SNX9: variants seen among roughly 807,000 people sequenced by gnomAD.
SNX9 encodes sorting nexin-9.
A neutral mutation model predicts 89.4 loss-of-function variants in SNX9; 44 were observed. The observed-to-expected ratio is 0.49, with a 90% CI of 0.39 to 0.63. The LOEUF is 0.63. SNX9 is among the 30% of genes least tolerant of loss of function. SNX9 has a pLI of 0.00. For missense variants in SNX9, 578 were observed against 736.1 expected (o/e 0.79, Z 2.49); for synonymous variants, 236 against 247.8 (o/e 0.95, Z 0.45).
intron 1 of SNX9, among the ~76,000 whole-genome samples, chr6:157,864,796 G>T (rs143247316): frequency 4.6e-5 from 7 of 151,832 alleles, no homozygotes; most frequent in African/African-American, 1.7e-4. Context: ...TTGGGAGGCC[G>T]AGGCGGGCAG....
intron 3 of SNX9, among the ~76,000 whole-genome samples, chr6:157,873,648 TTATAA>T (rs1321432955): frequency 1.3e-5 from 2 of 149,128 alleles, no homozygotes; most frequent in African/African-American, 4.9e-5. Context: ...AGATATATAT[TTATAA>T]TATGACACAT....
chr6:157,899,612 A>T (rs1355254940), intron 5 of SNX9, among the ~76,000 whole-genome samples: 1 of 152,062 alleles, frequency 6.6e-6, no homozygotes, highest in Non-Finnish European at 1.5e-5. Context: ...CTCTACTAAA[A>T]ATAGAAAAAA....
At chr6:157,904,520 A>G (rs934849064) in intron 6 of SNX9, among the ~76,000 whole-genome samples, 25 of 152,108 alleles carry the variant, frequency 1.6e-4, no homozygotes, top group African/African-American at 6.0e-4. Context: ...AACAGTGCCC[A>G]AAAATTGAAA....
At chr6:157,911,818 T>C (rs1235051262) in intron 9 of SNX9, among the ~76,000 whole-genome samples, 2 of 152,236 alleles carry the variant, frequency 1.3e-5, no homozygotes, top group Non-Finnish European at 2.9e-5. Flanking sequence ...ATGGAAACTT[T>C]TGTTTTAAAA....
At chr6:157,881,131 C>T (rs1438461049) in intron 4 of SNX9, among the ~76,000 whole-genome samples, 4 of 152,118 alleles carry the variant, frequency 2.6e-5, no homozygotes, top group East Asian at 1.9e-4. Context: ...AGTCTATGGG[C>T]GCCATTTTGT....
rs1419089617 is a variant in SNX9, at chr6:157,855,141, T to A, written c.13-12406T>A. On this transcript the variant is annotated intron_variant, in intron 1 of 17. Transcript: ENST00000392185. ...ATGCATGTACTGCATCGCTGGGCCC[T>A]CTTTCTTACACAAGTGGTGTGCCTG... Among the ~76,000 whole-genome samples, 5 of 152,192 alleles carry A rather than the reference T, an allele frequency of 3.3e-5. No homozygotes were observed. In the South Asian group the frequency reaches 8.3e-4, roughly 25 times the overall value.
At chr6:157,918,292 T>C (rs1783515449) in intron 9 of SNX9, among the ~76,000 whole-genome samples, 1 of 152,194 alleles carries the variant, frequency 6.6e-6, no homozygotes, top group South Asian at 2.1e-4. Context: ...TCTTGTTAGG[T>C]AGACATACAG....
At chr6:157,904,688 G>C (rs964727631) in intron 6 of SNX9, among the ~76,000 whole-genome samples, 1 of 152,186 alleles carries the variant, frequency 6.6e-6, no homozygotes, top group Admixed American at 6.5e-5. Context: ...CCAGCCTGGC[G>C]ACAGAGTGAG....
chr6:157,873,323 A>G (rs1782453358), intron 3 of SNX9, 147 bp downstream of exon 3: 1 of 464,186 alleles, frequency 2.2e-6, no homozygotes, highest in Admixed American at 4.0e-5. Context: ...AAAATATGGA[A>G]ACTACATTGA....
intron 1 of SNX9, among the ~76,000 whole-genome samples, chr6:157,828,565 C>G (rs1182144652): frequency 6.6e-6 from 1 of 152,130 alleles, no homozygotes; most frequent in Non-Finnish European, 1.5e-5. Context: ...ACGAACACAG[C>G]TCACGGCAGT....
chr6:157,877,227 G>A (rs1375852617), intron 4 of SNX9, among the ~76,000 whole-genome samples: 1 of 148,000 alleles, frequency 6.8e-6, no homozygotes, highest in East Asian at 2.1e-4. Flanking sequence ...ACTGGTATAA[G>A]TCTAAAATTT....
chr6:157,873,065 T>A, intron 2 of SNX9, 37 bp from the exon 3 acceptor site: 2 of 1,504,960 alleles, frequency 1.3e-6, no homozygotes. Context: ...TCAACTGTAA[T>A]CTTTTTCTTT....
At chr6:157,869,202 T>G (rs952518277) in intron 2 of SNX9, among the ~76,000 whole-genome samples, 1 of 152,206 alleles carries the variant, frequency 6.6e-6, no homozygotes, top group African/African-American at 2.4e-5. Flanking sequence ...CCTCTCTGCC[T>G]CACGAGTGTT....
chr6:157,899,222 T>A (rs1783043121), intron 5 of SNX9, among the ~76,000 whole-genome samples: 1 of 152,196 alleles, frequency 6.6e-6, no homozygotes, highest in African/African-American at 2.4e-5. Flanking sequence ...CATCTTTTTC[T>A]CCCACACCCC....
At chr6:157,825,874 A>C (rs111811577) in intron 1 of SNX9, among the ~76,000 whole-genome samples, 1 of 152,098 alleles carries the variant, frequency 6.6e-6, no homozygotes, top group Non-Finnish European at 1.5e-5. Flanking sequence ...TGTCTTCTTC[A>C]AGGGGTGGGG....
chr6:157,883,153 A>T (rs1562604227), intron 4 of SNX9, among the ~76,000 whole-genome samples: 1 of 152,202 alleles, frequency 6.6e-6, no homozygotes, highest in African/African-American at 2.4e-5. Context: ...AAAAGGGTGC[A>T]GCTTGACTAG....
chr6:157,868,833 A>G (rs1782326645), intron 2 of SNX9, among the ~76,000 whole-genome samples: 1 of 152,230 alleles, frequency 6.6e-6, no homozygotes, highest in African/African-American at 2.4e-5. Flanking sequence ...GTAAAACTTG[A>G]ACCCATCGTT....
At chr6:157,907,404 C>T (rs1033447378) in intron 7 of SNX9, among the ~76,000 whole-genome samples, 1 of 152,146 alleles carries the variant, frequency 6.6e-6, no homozygotes, top group East Asian at 1.9e-4. Context: ...GCCTCAGCCT[C>T]CCGAGTAGCT....
In SNX9 at chr6:157,866,725, A is replaced by G. The variant is rs143431008; in HGVS notation, c.13-822A>G. ...AATTTCTGAGTTAATGTGGCTAAAG[A>G]TGCTGCATTATCATTCTTATTAGAT... On this transcript the variant is annotated intron_variant, in intron 1 of 17. Coordinates refer to ENST00000392185, the MANE Select transcript of SNX9 (RefSeq NM_016224.5). Among the ~76,000 whole-genome samples the G allele has an allele frequency of 5.8e-3, 890 of 152,322 alleles. 2 individuals are homozygous for G. The highest frequency in any genetic ancestry group is 9.8e-3 in the Non-Finnish European group (665 of 68,026).
Sources: gnomAD v4.1 joint callset for allele counts (sites outside exome capture counted in the v4.1 genomes callset) on GRCh38, gnomAD v4.1.1 for gene constraint, MANE v1.5 for transcripts, NCBI Gene and HGNC (gene_info 2026-07-23, HGNC 2026-07-21) for gene names.